SNX9: variants seen among roughly 807,000 people sequenced by gnomAD.
SNX9 encodes sorting nexin 9, also known as sorting nexin-9.
Under a neutral mutation model 89.4 loss-of-function variants are expected in SNX9, and 44 were observed. The ratio of observed to expected loss-of-function variants is 0.49; its 90% CI spans 0.39 to 0.63. The LOEUF is 0.63. SNX9 is among the 30% of genes least tolerant of loss of function. The pLI, the probability that SNX9 is intolerant of heterozygous loss-of-function variation, is 0.00. For missense variants in SNX9, 578 were observed against 736.1 expected (o/e 0.79, Z 2.49); for synonymous variants, 236 against 247.8 (o/e 0.95, Z 0.45).
intron 3 of SNX9, among the ~76,000 whole-genome samples, chr6:157,873,450 A>G (rs1460838956): frequency 6.7e-6 from 1 of 148,218 alleles, no homozygotes; most frequent in African/African-American, 2.5e-5. Flanking sequence ...AAAAGTTAGT[A>G]TTTTTCCTTT....
At chr6:157,836,996 C>G (rs1781597175) in intron 1 of SNX9, among the ~76,000 whole-genome samples, 1 of 152,186 alleles carries the variant, frequency 6.6e-6, no homozygotes, top group African/African-American at 2.4e-5. Context: ...AAAGAAAGAA[C>G]TTGGGTTCTG....
intron 1 of SNX9, among the ~76,000 whole-genome samples, chr6:157,836,160 G>A (rs1781579075): frequency 6.6e-6 from 1 of 151,948 alleles, no homozygotes; most frequent in Non-Finnish European, 1.5e-5. Flanking sequence ...TATGTGCCCA[G>A]GCTGATCTTG....
rs372636174 is a variant in SNX9 at position 157,939,411 on chromosome 6, G to A, written c.1648+664G>A. Among the ~76,000 whole-genome samples, 10 of 142,352 alleles carry A rather than the reference G, an allele frequency of 7.0e-5. No homozygotes were observed. The East Asian group carries it at 1.8e-3, about 25-fold the overall frequency. The allele number at this position is 142,352 out of a possible 152,430, so 93.4% of individuals were successfully genotyped here. On this transcript the variant is annotated intron_variant, in intron 16 of 17. Transcript: ENST00000392185. Reference sequence around the variant, plus strand: ...CTAGACTTGATGCAGGCATTAAGAAGCCATTAAAAGGGAGTAAAAAAAAAT... The same window carrying A: ...CTAGACTTGATGCAGGCATTAAGAAACCATTAAAAGGGAGTAAAAAAAAAT...
chr6:157,897,652 A>AGCCCACC (rs542581187), intron 5 of SNX9, among the ~76,000 whole-genome samples: 228 of 151,980 alleles, frequency 1.5e-3, no homozygotes, highest in African/African-American at 5.2e-3. Context: ...GAATTACAGG[A>AGCCCACC]GCCCACCGCC....
At chr6:157,922,007 T>G (rs1460625800) in intron 10 of SNX9, among the ~76,000 whole-genome samples, 2 of 151,734 alleles carry the variant, frequency 1.3e-5, no homozygotes, top group Non-Finnish European at 2.9e-5. Flanking sequence ...GTGAGGGGAG[T>G]GGAGTGACTG....
At chr6:157,844,850 C>T (rs1247462835) in intron 1 of SNX9, among the ~76,000 whole-genome samples, 1 of 152,170 alleles carries the variant, frequency 6.6e-6, no homozygotes, top group African/African-American at 2.4e-5. Flanking sequence ...CCACCTTGGT[C>T]TCCCAAAGTG....
intron 4 of SNX9, among the ~76,000 whole-genome samples, chr6:157,889,558 G>A (rs895183524): frequency 2.0e-5 from 3 of 151,828 alleles, no homozygotes; most frequent in African/African-American, 7.2e-5. Context: ...GAAAATATTT[G>A]TGCTGAAAGT....
chr6:157,865,004 C>T (rs980748274), intron 1 of SNX9, among the ~76,000 whole-genome samples: 12 of 150,248 alleles, frequency 8.0e-5, no homozygotes, highest in East Asian at 7.9e-4. Flanking sequence ...TTTAGCCTGG[C>T]GACAGAGAGA....
chr6:157,873,789 G>A (rs776993076), intron 3 of SNX9, among the ~76,000 whole-genome samples: 3 of 151,940 alleles, frequency 2.0e-5, no homozygotes. Context: ...CCCATAGACA[G>A]AGGGGTGTCT....
At chr6:157,847,409 T>C (rs1275971007) in intron 1 of SNX9, among the ~76,000 whole-genome samples, 1 of 152,186 alleles carries the variant, frequency 6.6e-6, no homozygotes, top group Non-Finnish European at 1.5e-5. Context: ...AGCCTTGTAG[T>C]ACTTATTTTA....
Position 157,865,352 on chromosome 6 carries a change from A to C in SNX9, c.13-2195A>C, listed in dbSNP as rs527474390. Reference sequence around the variant, plus strand: ...GAAACAGTCTCAGGAAAAAAAAAAAAAAAAAAACACCACATAACATGACAA... The same window carrying C: ...GAAACAGTCTCAGGAAAAAAAAAAACAAAAAAACACCACATAACATGACAA... On this transcript the variant is annotated intron_variant, in intron 1 of 17. Coordinates refer to ENST00000392185, the MANE Select transcript of SNX9 (RefSeq NM_016224.5). Among the ~76,000 whole-genome samples, 4 of 152,008 alleles carry C rather than the reference A, an allele frequency of 2.6e-5. No individual in the cohort carries two copies. In the East Asian group the frequency reaches 5.8e-4, roughly 22 times the overall value.
intron 4 of SNX9, among the ~76,000 whole-genome samples, chr6:157,885,958 T>C (rs1435523403): frequency 6.6e-6 from 1 of 152,232 alleles, no homozygotes; most frequent in Non-Finnish European, 1.5e-5. Flanking sequence ...GGAAAGCAGC[T>C]TTAATTAAAT....
chr6:157,870,429 C>T (rs1462213519), intron 2 of SNX9, among the ~76,000 whole-genome samples: 3 of 152,024 alleles, frequency 2.0e-5, no homozygotes, highest in African/African-American at 7.2e-5. Context: ...CACGCACACT[C>T]ACATGCTGTC....
At chr6:157,919,678 C>T (rs1442746661) in intron 9 of SNX9, among the ~76,000 whole-genome samples, 3 of 152,094 alleles carry the variant, frequency 2.0e-5, no homozygotes, top group Middle Eastern at 6.8e-3. Context: ...CTTTATCTGC[C>T]ACATTGTTTT....
At chr6:157,942,692 T>C (rs949579347) in intron 17 of SNX9, 99 bp from the exon 18 acceptor site, 2 of 1,283,596 alleles carry the variant, frequency 1.6e-6, no homozygotes, top group Non-Finnish European at 2.2e-6. Context: ...GAATTGGAAT[T>C]TGTGTCATGT....
Position 157,843,215 on chromosome 6 carries a change from T to C in SNX9, c.12+19769T>C, listed in dbSNP as rs370873429. Among the ~76,000 whole-genome samples the C allele has an allele frequency of 2.6e-4, 39 of 151,992 alleles. 1 individual carries two copies. The South Asian group carries it at 8.1e-3, about 32-fold the overall frequency. On this transcript the variant is annotated intron_variant, in intron 1 of 17. Transcript: ENST00000392185. ...ACAAGGGTTGAAGAATTGACGAAAA[T>C]GAAAATTGAAAAAGAAATATAGCTG...
intron 1 of SNX9, among the ~76,000 whole-genome samples, chr6:157,861,659 C>G (rs533275445): frequency 5.9e-5 from 9 of 152,276 alleles, no homozygotes; most frequent in African/African-American, 2.2e-4. Context: ...GCAGTAGTCC[C>G]CCTTTAGTGA....
chr6:157,919,095 T>C (rs1000278178), intron 9 of SNX9, among the ~76,000 whole-genome samples: 9 of 152,230 alleles, frequency 5.9e-5, no homozygotes, highest in Non-Finnish European at 1.0e-4. Context: ...TCTTTAGTAA[T>C]TTCTTTTTAG....
chr6:157,848,776 G>A (rs963596091), intron 1 of SNX9, among the ~76,000 whole-genome samples: 4 of 152,200 alleles, frequency 2.6e-5, no homozygotes, highest in African/African-American at 7.2e-5. Flanking sequence ...TACAGCAGCC[G>A]TAAAATGATA....
Sources: gnomAD v4.1 joint callset for allele counts (sites outside exome capture counted in the v4.1 genomes callset) on GRCh38, gnomAD v4.1.1 for gene constraint, MANE v1.5 for transcripts, NCBI Gene and HGNC (gene_info 2026-07-23, HGNC 2026-07-21) for gene names.